KCTD19: variants seen among roughly 807,000 people sequenced by gnomAD.
The protein encoded by KCTD19 is potassium channel tetramerization domain containing 19.
KCTD19 carries 67 observed loss-of-function variants against 103.5 expected under a neutral mutation model. That is an observed-to-expected ratio of 0.65 (90% CI 0.53 to 0.79). The LOEUF (loss-of-function observed/expected upper bound fraction) is 0.79. Among genes scored for constraint, KCTD19 ranks in the 30% least tolerant of loss-of-function variants. KCTD19 has a pLI of 0.00. For synonymous variants in KCTD19, 439 were observed against 452.2 expected, an observed-to-expected ratio of 0.97 and a Z score of 0.37; for missense variants, 980 against 1,136.1, an observed-to-expected ratio of 0.86 and a Z score of 1.98.
chr16:67,322,298 CTTT>C (rs565832620), intron 1 of KCTD19, among the ~76,000 whole-genome samples: 7 of 138,222 alleles, frequency 5.1e-5, no homozygotes, highest in Admixed American at 1.5e-4. Context: ...ACTATAAAAT[CTTT>C]TTTTTTTTTT....
At chr16:67,297,420 G>T (rs753517592) in intron 7 of KCTD19, 83 bp downstream of exon 7, 1 of 1,379,796 alleles carries the variant, frequency 7.2e-7, no homozygotes, top group Non-Finnish European at 1.0e-6. Context: ...ACAGTTCCTC[G>T]TCCTGGCCAC....
At position 67,320,604 on chromosome 16, in the gene KCTD19, C is replaced by A; in HGVS notation, c.285G>T (p.Leu95=). The change falls in exon 2 of 16, where the codon CTG becomes CTT. Residue 95 remains leucine, a synonymous_variant. Coordinates refer to ENST00000304372, the MANE Select transcript of KCTD19 (RefSeq NM_001100915.3). The surrounding 1 kb of genome is among the most constrained non-coding windows in gnomAD (Gnocchi z 4.0). ...LLYEQALGLQ[L]MPLLQTLDNL... is the part of the protein sequence containing the mutation. Reference sequence around the variant, plus strand: ...AGCATCTTACCTGCAGCAAAGGCATCAGCTGCAAACCCAATGCTTGCTCAT... The same window carrying A: ...AGCATCTTACCTGCAGCAAAGGCATAAGCTGCAAACCCAATGCTTGCTCAT... 1 of 1,613,826 alleles carries A rather than the reference C, an allele frequency of 6.2e-7. No homozygotes were observed. Among genetic ancestry groups the A allele is most frequent in the East Asian group, 2.2e-5 (1 of 44,882 alleles).
At chr16:67,318,089 G>A (rs147222085) in intron 2 of KCTD19, among the ~76,000 whole-genome samples, 2 of 152,232 alleles carry the variant, frequency 1.3e-5, no homozygotes, top group African/African-American at 4.8e-5. Flanking sequence ...ATTTCACTTG[G>A]GCCAACTCAA....
chr16:67,293,989 G>A lies in KCTD19; in HGVS notation c.1773C>T (p.Cys591=), dbSNP rs1441670264. Residue 591 remains cysteine, a synonymous_variant, in exon 12 of 16, where the codon TGC becomes TGT. Coordinates refer to ENST00000304372, the MANE Select transcript of KCTD19 (RefSeq NM_001100915.3). The surrounding 1 kb of genome is among the most constrained non-coding windows in gnomAD (Gnocchi z 4.0). ...RAGNPSTYSH[C]RGLCTNPGHW... ...GTCCAGGATTGGTACACAAGCCACG[G>A]CAGTGTGAGTATGTGCTAGGGTTGC... 1 of 1,614,182 alleles carries A rather than the reference G, an allele frequency of 6.2e-7. No individual in the cohort carries two copies. Among genetic ancestry groups the A allele is most frequent in the Admixed American group, 1.7e-5 (1 of 60,026 alleles).
At chr16:67,289,773 C>T in intron 15 of KCTD19, 91 bp from the exon 16 acceptor site, 1 of 878,934 alleles carries the variant, frequency 1.1e-6, no homozygotes, top group Non-Finnish European at 1.8e-6. Context: ...GGGGCAGGGA[C>T]AGGGCAAGCC....
At chr16:67,289,808 C>G in intron 15 of KCTD19, 126 bp from the exon 16 acceptor site, 4 of 646,160 alleles carry the variant, frequency 6.2e-6, no homozygotes, top group Non-Finnish European at 1.1e-5. Context: ...TTTTGATGCT[C>G]TAGGGCCCAG....
chr16:67,295,454 G>C, intron 8 of KCTD19, 49 bp from the exon 9 acceptor site: 5 of 1,565,274 alleles, frequency 3.2e-6, no homozygotes, highest in Non-Finnish European at 4.4e-6. Flanking sequence ...AGGTCTTTGC[G>C]AAGGGGCAGG....
Position 67,297,506 on chromosome 16 carries a change from G to A in KCTD19, c.1144C>T (p.Leu382Phe), listed in dbSNP as rs1258197657. Residue 382 changes from leucine to phenylalanine, a missense_variant, in exon 7 of 16, where the codon CTC (leucine) becomes TTC (phenylalanine). Physicochemically the swap from Leu to Phe is conservative, Grantham distance 22. Coordinates refer to ENST00000304372, the MANE Select transcript of KCTD19 (RefSeq NM_001100915.3). ...EPRTLAPMDV[L>F]NEWTAEITVY... Reference sequence around the variant, plus strand: ...ACCTAGAAGCTTTCTCACTTACTGAGCACATCCATGGGTGCCAAAGTCCTT... The same window carrying A: ...ACCTAGAAGCTTTCTCACTTACTGAACACATCCATGGGTGCCAAAGTCCTT... 1 of 1,613,890 alleles carries A rather than the reference G, an allele frequency of 6.2e-7. No individual in the cohort carries two copies. Among genetic ancestry groups the A allele is most frequent in the Non-Finnish European group, 8.5e-7 (1 of 1,179,884 alleles).
intron 2 of KCTD19, among the ~76,000 whole-genome samples, chr16:67,311,639 A>G (rs1287240207): frequency 3.3e-5 from 5 of 152,106 alleles, no homozygotes; most frequent in Non-Finnish European, 7.3e-5. Flanking sequence ...CAAGAAGAGG[A>G]AACGGCAAGT....
At chr16:67,295,194 G>T in intron 9 of KCTD19, 69 bp downstream of exon 9, 1 of 1,590,590 alleles carries the variant, frequency 6.3e-7, no homozygotes, top group South Asian at 1.1e-5. Flanking sequence ...TGCAACTCAG[G>T]TCTCCTTTGT....
intron 4 of KCTD19, chr16:67,302,615 T>A (rs1162110314): frequency 6.4e-6 from 1 of 156,784 alleles, no homozygotes; most frequent in Admixed American, 6.5e-5. Context: ...AGGTGGAAAA[T>A]CTCATCCTTC....
In KCTD19 at chr16:67,290,888, C is replaced by T; in HGVS notation, c.2664G>A (p.Val888=). Residue 888 remains valine (V), a synonymous_variant, in exon 15 of 16, where the codon GTG becomes GTA. Coordinates refer to ENST00000304372, the MANE Select transcript of KCTD19 (RefSeq NM_001100915.3). ...AGGGATTGCAAGTGGCCCTCACCTCCACCCAGCTGTACAGGCGCTCCTGGG... is the reference window on the plus strand; with the variant it reads ...AGGGATTGCAAGTGGCCCTCACCTCTACCCAGCTGTACAGGCGCTCCTGGG... The part of the protein sequence containing the change: ...RHTQERLYSW[V]ELTLPFARKY... 1 of 1,611,962 alleles carries T rather than the reference C, an allele frequency of 6.2e-7. No homozygotes were observed. The highest frequency in any genetic ancestry group is 8.5e-7 in the Non-Finnish European group (1 of 1,179,280).
Position 67,303,804 on chromosome 16 carries a change from C to T in KCTD19, c.452-467G>A, listed in dbSNP as rs1214711307. On this transcript the variant is annotated intron_variant, in intron 3 of 15. Coordinates refer to ENST00000304372, the MANE Select transcript of KCTD19 (RefSeq NM_001100915.3). The surrounding 1 kb of genome is among the most constrained non-coding windows in gnomAD (Gnocchi z 4.3). ...TCACGTGATCCATCTGCCTCAGCCT[C>T]CCAAAATGCTGGGATTACAGGCATG... Among the ~76,000 whole-genome samples the T allele has an allele frequency of 7.2e-5, 11 of 152,208 alleles. No individual in the cohort carries two copies. The East Asian group carries it at 9.6e-4, about 13-fold the overall frequency.
chr16:67,294,145 G>C lies in KCTD19; in HGVS notation c.1617C>G (p.Phe539Leu), dbSNP rs544017674. ...KETTAYMPVD[F>L]EDCSDRTPWN... ...ATGGAGTCCTGTCACTGCAGTCTTC[G>C]AAGTCCACAGGCATGTAGGCTGTGG... Residue 539 changes from phenylalanine (F) to leucine (L), a missense_variant, in exon 12 of 16, where the codon TTC becomes TTG. Coordinates refer to ENST00000304372, the MANE Select transcript of KCTD19 (RefSeq NM_001100915.3). The C allele has an allele frequency of 9.6e-5, 154 of 1,608,212 alleles. 1 individual carries two copies. The South Asian group carries it at 1.4e-3, about 14-fold the overall frequency.
At chr16:67,297,406 A>C in intron 7 of KCTD19, 97 bp downstream of exon 7, 1 of 1,245,270 alleles carries the variant, frequency 8.0e-7, no homozygotes, top group East Asian at 2.4e-5. Flanking sequence ...CTCCTCCTCC[A>C]TCTACAGTTC....
intron 2 of KCTD19, among the ~76,000 whole-genome samples, chr16:67,305,103 A>C (rs1416050475): frequency 6.6e-6 from 1 of 152,202 alleles, no homozygotes; most frequent in African/African-American, 2.4e-5. Context: ...GTTTTGTTAT[A>C]ATTTTATGTT....
intron 13 of KCTD19, 48 bp downstream of exon 13, chr16:67,291,598 G>A (rs747905811): frequency 6.3e-7 from 1 of 1,584,982 alleles, no homozygotes; most frequent in Admixed American, 1.7e-5. Context: ...GGGGGCTCAG[G>A]CATCCTCACG....
intron 2 of KCTD19, among the ~76,000 whole-genome samples, chr16:67,315,325 T>TGGGGG (rs1567453966): frequency 2.6e-5 from 4 of 151,278 alleles, no homozygotes; most frequent in African/African-American, 9.7e-5. Flanking sequence ...TTTTTTTTTT[T>TGGGGG]GGGATAGTCT....
intron 2 of KCTD19, among the ~76,000 whole-genome samples, chr16:67,312,561 C>A (rs1420335339): frequency 6.6e-6 from 1 of 152,174 alleles, no homozygotes; most frequent in Non-Finnish European, 1.5e-5. Context: ...ACATCCCGCG[C>A]CTCCTGTTTA....
Sources: allele counts gnomAD v4.1 joint callset (sites outside exome capture counted in the v4.1 genomes callset), GRCh38; gene constraint gnomAD v4.1.1; non-coding constraint Gnocchi (gnomAD v3.1); transcripts MANE v1.5; gene names NCBI Gene and HGNC (gene_info 2026-07-23, HGNC 2026-07-21).